Variants in PLS1 observed in about 807,000 individuals in gnomAD.
PLS1 encodes plastin 1, also known as plastin-1.
In PLS1, 32 loss-of-function variants were observed where a neutral mutation model predicts 73.7. That is an observed-to-expected ratio of 0.43 (90% CI 0.33 to 0.58). The LOEUF is 0.58. PLS1 is among the 20% of genes least tolerant of loss of function. PLS1 has a pLI of 0.04. For synonymous variants in PLS1, 217 were observed against 261.3 expected (o/e 0.83, Z 1.63); for missense variants, 633 against 740.5 (o/e 0.85, Z 1.68).
At chr3:142,634,915 CTTT>C (rs762435544) in intron 1 of PLS1, among the ~76,000 whole-genome samples, 1 of 141,900 alleles carries the variant, frequency 7.0e-6, no homozygotes. Context: ...ACCATTGTAA[CTTT>C]TTTTTTTTTT....
chr3:142,704,535 C>A lies in PLS1; in HGVS notation c.1578C>A (p.Val526=). 1 of 1,585,008 alleles carries A rather than the reference C, an allele frequency of 6.3e-7. No individual in the cohort carries two copies. Among genetic ancestry groups the A allele is most frequent in the Non-Finnish European group, 8.6e-7 (1 of 1,160,544 alleles). Residue 526 remains valine (V), a synonymous_variant, in exon 14 of 16, where the codon GTC becomes GTA. Coordinates refer to ENST00000457734, the MANE Select transcript of PLS1 (RefSeq NM_001145319.2). ...KVNDEIIIKW[V]NQTLKSANKK... ...ATGATGAAATTATAATTAAATGGGT[C>A]AATCAGACTCTTAAAAGTGCAAACA...
intron 1 of PLS1, among the ~76,000 whole-genome samples, chr3:142,657,671 G>A (rs893561024): frequency 6.6e-6 from 1 of 152,002 alleles, no homozygotes; most frequent in African/African-American, 2.4e-5. Flanking sequence ...TGTATTTTTA[G>A]TAGAGACGGG....
At position 142,663,387 on chromosome 3, in the gene PLS1, G is replaced by A. The variant is rs115630831; in HGVS notation, c.-36-815G>A. Among the ~76,000 whole-genome samples, 98 of 152,164 alleles carry A rather than the reference G, an allele frequency of 6.4e-4. 2 individuals are homozygous for A. The highest frequency in any genetic ancestry group is 2.3e-3 in the African/African-American group (94 of 41,496). On this transcript the variant is annotated intron_variant, in intron 1 of 15. Transcript: ENST00000457734. ...ACCTTGTGACTTTTCCTATAGCCCA[G>A]TTTTACATAATTTTTTCCTCTTTAG... is the stretch of plus-strand genomic sequence containing the variant.
chr3:142,703,762 T>G (rs904516404), intron 12 of PLS1, 106 bp from the exon 13 acceptor site: 2 of 647,254 alleles, frequency 3.1e-6, no homozygotes, highest in African/African-American at 1.8e-5. Context: ...TCATATAAAT[T>G]TAAGGTGTCA....
chr3:142,627,407 G>A (rs542451876), intron 1 of PLS1, among the ~76,000 whole-genome samples: 16 of 152,190 alleles, frequency 1.1e-4, no homozygotes, highest in Admixed American at 1.0e-3. Flanking sequence ...TCAAGATTTT[G>A]GAAATATCTG....
intron 1 of PLS1, among the ~76,000 whole-genome samples, chr3:142,602,605 C>T (rs1012211127): frequency 6.6e-5 from 10 of 151,996 alleles, no homozygotes; most frequent in African/African-American, 2.2e-4. Flanking sequence ...AAAGGCCCCC[C>T]CCACCCCATA....
rs1046557186 is a variant in PLS1 at position 142,606,176 on chromosome 3, G to C, written c.-37+9667G>C. On this transcript the variant is annotated intron_variant, in intron 1 of 15. Transcript: ENST00000457734. ...AAATATCAGTGGGAATAGTCTGCAT[G>C]CTATTTCACATCTCAGGCACACTTA... is the stretch of plus-strand genomic sequence containing the variant. Among the ~76,000 whole-genome samples the C allele has an allele frequency of 3.9e-5, 6 of 152,196 alleles. No individual in the cohort carries two copies. The East Asian group carries it at 1.2e-3, about 29-fold the overall frequency.
Position 142,704,472 on chromosome 3 carries a change from G to C in PLS1, c.1515G>C (p.Leu505Phe). 1 of 1,598,884 alleles carries C rather than the reference G, an allele frequency of 6.3e-7. No individual in the cohort carries two copies. The highest frequency in any genetic ancestry group is 8.6e-7 in the Non-Finnish European group (1 of 1,169,218). The change falls in exon 14 of 16, where the codon TTG (leucine) becomes TTC (phenylalanine). Residue 505 changes from leucine (L) to phenylalanine (F), a missense_variant. Transcript: ENST00000457734. ...ATCTTTTCTGTTGCAGGTACACATT[G>C]AATGTGTTATCGGATCTTGGAGAGG... ...LVWQLMRRYT[L>F]NVLSDLGEGE...
intron 1 of PLS1, among the ~76,000 whole-genome samples, chr3:142,625,802 C>T (rs375369809): frequency 3.0e-4 from 46 of 151,896 alleles, no homozygotes; most frequent in African/African-American, 8.2e-4. Flanking sequence ...GGCAAAACCC[C>T]GTCTCTACTG....
chr3:142,665,358 C>G (rs1404886789), intron 2 of PLS1, among the ~76,000 whole-genome samples: 1 of 150,144 alleles, frequency 6.7e-6, no homozygotes, highest in Non-Finnish European at 1.5e-5. Flanking sequence ...CAAATCATTA[C>G]TGTGAAATAA....
intron 10 of PLS1, among the ~76,000 whole-genome samples, chr3:142,693,652 C>A (rs1221687206): frequency 1.3e-5 from 2 of 152,126 alleles, no homozygotes; most frequent in East Asian, 3.9e-4. Flanking sequence ...GTGGCAGAGC[C>A]AGCCCACATC....
intron 1 of PLS1, among the ~76,000 whole-genome samples, chr3:142,616,392 A>C (rs1283775761): frequency 6.6e-6 from 1 of 152,214 alleles, no homozygotes; most frequent in African/African-American, 2.4e-5. Context: ...AATGATATAG[A>C]AAATAATAGG....
Position 142,664,221 on chromosome 3 carries a change from G to A in PLS1, c.-17G>A. 2 of 1,475,558 alleles carry A rather than the reference G, an allele frequency of 1.4e-6. No homozygotes were observed. Among genetic ancestry groups the A allele is most frequent in the Non-Finnish European group, 1.9e-6 (2 of 1,070,460 alleles). 91.4% of individuals were successfully genotyped at this position (1,475,558 alleles called of 1,614,324 possible). On this transcript the variant is annotated 5_prime_UTR_variant, in exon 2 of 16. Transcript: ENST00000457734. ...TTCTAGATATAAAGACCTGAAGATA[G>A]TCTTTTCTGTCCAAAGATGGAAAAC... is the stretch of plus-strand genomic sequence containing the variant.
intron 1 of PLS1, among the ~76,000 whole-genome samples, chr3:142,658,078 G>A (rs2037281120): frequency 6.6e-6 from 1 of 152,048 alleles, no homozygotes. Flanking sequence ...TAAAGCAAAA[G>A]ACTAAAATAC....
chr3:142,598,453 C>T (rs1292342153), intron 1 of PLS1, among the ~76,000 whole-genome samples: 4 of 152,134 alleles, frequency 2.6e-5, no homozygotes, highest in Non-Finnish European at 5.9e-5. Flanking sequence ...TCTGATTCCT[C>T]ATATTTTGAT....
chr3:142,655,539 A>G (rs138163544), intron 1 of PLS1, among the ~76,000 whole-genome samples: 6,702 of 151,802 alleles, frequency 0.044, 491 homozygotes, highest in African/African-American at 0.15. Context: ...TGGCCAACAT[A>G]GTGAAACTCC....
At chr3:142,601,069 A>G (rs7635052) in intron 1 of PLS1, among the ~76,000 whole-genome samples, 91,240 of 142,302 alleles carry the variant, frequency 0.64, 30,949 homozygotes, top group African/African-American at 0.86. Flanking sequence ...GACTACAGGC[A>G]CCCGCCACCA....
chr3:142,632,134 G>T (rs1201882657), intron 1 of PLS1, among the ~76,000 whole-genome samples: 2 of 152,060 alleles, frequency 1.3e-5, no homozygotes, highest in African/African-American at 2.4e-5. Context: ...CACTACAAAT[G>T]GTCCTTGACT....
intron 1 of PLS1, among the ~76,000 whole-genome samples, chr3:142,601,303 T>C (rs1211206072): frequency 1.3e-5 from 2 of 151,960 alleles, no homozygotes; most frequent in Non-Finnish European, 2.9e-5. Context: ...AGGTAGTATG[T>C]TGAAGTTAAT....
Sources: gnomAD v4.1 joint callset for allele counts (sites outside exome capture counted in the v4.1 genomes callset) on GRCh38, gnomAD v4.1.1 for gene constraint, MANE v1.5 for transcripts, NCBI Gene and HGNC (gene_info 2026-07-23, HGNC 2026-07-21) for gene names.